Variants in MKLN1 observed in about 807,000 individuals in gnomAD.
The protein encoded by MKLN1 is muskelin 1.
Under a neutral mutation model 99.0 loss-of-function variants are expected in MKLN1, and 18 were observed. That is an observed-to-expected ratio of 0.18 (90% CI 0.13 to 0.27). The LOEUF (loss-of-function observed/expected upper bound fraction) is 0.27, where lower values mean the gene tolerates loss of function less well. Ranked by LOEUF, MKLN1 falls within the 10% of genes least tolerant of loss-of-function variation. The pLI is 1.00. For synonymous variants in MKLN1, 288 were observed against 293.2 expected, an observed-to-expected ratio of 0.98 and a Z score of 0.18; for missense variants, 621 against 875.9, an observed-to-expected ratio of 0.71 and a Z score of 3.67.
chr7:131,329,846 A>G (rs1170636963), intron 1 of MKLN1, among the ~76,000 whole-genome samples: 1 of 152,212 alleles, frequency 6.6e-6, no homozygotes, highest in African/African-American at 2.4e-5. Flanking sequence ...GGAGAAATAC[A>G]TTGCTGCAAT....
chr7:131,465,696 G>A (rs1319648729), intron 14 of MKLN1, among the ~76,000 whole-genome samples: 4 of 151,924 alleles, frequency 2.6e-5, no homozygotes, highest in East Asian at 1.9e-4. Context: ...CCGCCACCAC[G>A]CCCGGCTAAT....
At chr7:131,332,930 A>T (rs1000384106) in intron 1 of MKLN1, among the ~76,000 whole-genome samples, 1 of 145,458 alleles carries the variant, frequency 6.9e-6, no homozygotes, top group Non-Finnish European at 1.5e-5. Context: ...CGCCTGGCTA[A>T]TTTTTTTTTT....
intron 3 of MKLN1, among the ~76,000 whole-genome samples, chr7:131,271,594 G>A (rs1012373359): frequency 2.7e-5 from 4 of 147,564 alleles, no homozygotes; most frequent in Admixed American, 2.0e-4. Context: ...TCCAGCCTGG[G>A]CGACAGAGTG....
At chr7:131,132,651 G>C (rs141747766) in intron 1 of MKLN1, among the ~76,000 whole-genome samples, 1 of 152,092 alleles carries the variant, frequency 6.6e-6, no homozygotes, top group Non-Finnish European at 1.5e-5. Context: ...AAGGCCGGGC[G>C]CGGTGGCTCA....
intron 1 of MKLN1, chr7:131,328,210 G>A: frequency 1.7e-6 from 1 of 596,810 alleles, no homozygotes; most frequent in Non-Finnish European, 2.9e-6. Context: ...CAGGGAGAAG[G>A]GGCGAGGTGT....
chr7:131,276,044 G>A (rs1244805763), intron 3 of MKLN1, among the ~76,000 whole-genome samples: 1 of 152,196 alleles, frequency 6.6e-6, no homozygotes, highest in East Asian at 1.9e-4. Flanking sequence ...GCTAGACTGT[G>A]TCGTCTTCAC....
chr7:131,128,775 T>A (rs1795503263), intron 1 of MKLN1, among the ~76,000 whole-genome samples: 1 of 151,454 alleles, frequency 6.6e-6, no homozygotes, highest in Admixed American at 6.6e-5. Context: ...TGGATAATAT[T>A]TTTTTTTAGA....
At chr7:131,202,794 T>A (rs1796750573) in intron 2 of MKLN1, 2 of 152,196 alleles carry the variant, frequency 1.3e-5, no homozygotes, top group African/African-American at 4.8e-5. Flanking sequence ...TTTAAAGATC[T>A]TGAAGGCAGA....
At chr7:131,158,332 G>T (rs1795998358) in intron 2 of MKLN1, among the ~76,000 whole-genome samples, 1 of 152,154 alleles carries the variant, frequency 6.6e-6, no homozygotes. Context: ...TATTCTGGAG[G>T]CTGAGGCAGG....
chr7:131,462,748 T>C (rs1796551981), intron 12 of MKLN1, among the ~76,000 whole-genome samples: 1 of 152,170 alleles, frequency 6.6e-6, no homozygotes, highest in Non-Finnish European at 1.5e-5. Flanking sequence ...GTTTATTGTT[T>C]AGTTAAAAAG....
chr7:131,183,280 A>G (rs1460661494), intron 2 of MKLN1, among the ~76,000 whole-genome samples: 3 of 152,184 alleles, frequency 2.0e-5, no homozygotes, highest in African/African-American at 7.2e-5. Flanking sequence ...GTAAGGTAAG[A>G]GAGGTAATCT....
rs946259867 is a variant in MKLN1 at position 131,418,843 on chromosome 7, A to C, written c.847+4133A>C. Among the ~76,000 whole-genome samples, 10 of 152,348 alleles carry C rather than the reference A, an allele frequency of 6.6e-5. No homozygotes were observed. The South Asian group carries it at 2.1e-3, about 32-fold the overall frequency. ...AACTTCTGTGGATTCCAATGTCTGG[A>C]AGCAGAAATATGAGGAAACATGCCC... On this transcript the variant is annotated intron_variant, in intron 8 of 17. Coordinates refer to ENST00000352689, the MANE Select transcript of MKLN1 (RefSeq NM_013255.5).
intron 2 of MKLN1, among the ~76,000 whole-genome samples, chr7:131,381,200 A>G (rs950212378): frequency 2.0e-5 from 3 of 152,170 alleles, no homozygotes; most frequent in Non-Finnish European, 2.9e-5. Context: ...AATTGCAGTA[A>G]AGGAGTTATG....
chr7:131,233,428 G>A (rs73491146), intron 3 of MKLN1, among the ~76,000 whole-genome samples: 5,347 of 149,110 alleles, frequency 0.036, 278 homozygotes, highest in African/African-American at 0.12. Context: ...TATATTTTGC[G>A]TCATGACAGG....
intron 3 of MKLN1, among the ~76,000 whole-genome samples, chr7:131,207,377 T>C (rs996992400): frequency 6.6e-6 from 1 of 152,056 alleles, no homozygotes; most frequent in Non-Finnish European, 1.5e-5. Context: ...TTTGTGTTTT[T>C]AGTAGAGACA....
chr7:131,174,351 A>G (rs1362014230), intron 2 of MKLN1, among the ~76,000 whole-genome samples: 2 of 152,024 alleles, frequency 1.3e-5, no homozygotes, highest in African/African-American at 4.8e-5. Flanking sequence ...TTTTTCAGAG[A>G]CACAGATGGC....
At chr7:131,340,964 T>C (rs1799391277) in intron 1 of MKLN1, among the ~76,000 whole-genome samples, 1 of 152,168 alleles carries the variant, frequency 6.6e-6, no homozygotes, top group Non-Finnish European at 1.5e-5. Context: ...AATCTTTGAG[T>C]TTTAAAATAT....
At chr7:131,232,467 G>A (rs1054521832) in intron 3 of MKLN1, among the ~76,000 whole-genome samples, 1 of 152,122 alleles carries the variant, frequency 6.6e-6, no homozygotes, top group Non-Finnish European at 1.5e-5. Flanking sequence ...TATAACATTG[G>A]AATAAGCTTG....
intron 3 of MKLN1, among the ~76,000 whole-genome samples, chr7:131,286,098 G>A (rs909953905): frequency 8.6e-5 from 13 of 151,996 alleles, no homozygotes; most frequent in Non-Finnish European, 1.3e-4. Flanking sequence ...TTACAGGCAT[G>A]CGTTATCACG....
Sources: gnomAD v4.1 joint callset for allele counts (sites outside exome capture counted in the v4.1 genomes callset) on GRCh38, gnomAD v4.1.1 for gene constraint, MANE v1.5 for transcripts, NCBI Gene and HGNC (gene_info 2026-07-23, HGNC 2026-07-21) for gene names.